SEM1: variants seen among roughly 807,000 people sequenced by gnomAD.
SEM1 encodes 26S proteasome complex subunit SEM1.
In SEM1, 3 loss-of-function variants were observed where a neutral mutation model predicts 12.7. The ratio of observed to expected loss-of-function variants is 0.24; its 90% CI spans 0.11 to 0.61. The LOEUF (loss-of-function observed/expected upper bound fraction) is 0.61. Ranked by LOEUF, SEM1 falls within the 20% of genes least tolerant of loss-of-function variation. SEM1 has a pLI of 0.88. For missense variants in SEM1, 59 were observed against 81.3 expected (o/e 0.73, Z 1.06); for synonymous variants, 30 against 27.8 (o/e 1.08, Z -0.25).
intron 2 of SEM1, among the ~76,000 whole-genome samples, chr7:96,584,414 T>A (rs928857779): frequency 3.9e-5 from 6 of 152,104 alleles, no homozygotes; most frequent in Non-Finnish European, 7.4e-5. Context: ...TTTCCTTCAT[T>A]TCAACTTTGG....
chr7:96,532,096 A>G (rs1346975376), intron 2 of SEM1, among the ~76,000 whole-genome samples: 1 of 152,018 alleles, frequency 6.6e-6, no homozygotes, highest in Non-Finnish European at 1.5e-5. Context: ...GCCCTTTGAT[A>G]TAGGGGCTGT....
intron 2 of SEM1, among the ~76,000 whole-genome samples, chr7:96,592,104 G>A (rs955389935): frequency 2.9e-4 from 44 of 151,982 alleles, no homozygotes; most frequent in Non-Finnish European, 5.7e-4. Context: ...GAGAACAACT[G>A]AGTCACATTA....
chr7:96,569,916 C>T (rs1405774898), intron 2 of SEM1, among the ~76,000 whole-genome samples: 1 of 151,836 alleles, frequency 6.6e-6, no homozygotes, highest in Non-Finnish European at 1.5e-5. Context: ...TGCCACATTT[C>T]CTTTATCTAA....
chr7:96,668,750 CA>C (rs11387112), downstream of SEM1, among the ~76,000 whole-genome samples: 2 of 151,666 alleles, frequency 1.3e-5, no homozygotes, highest in African/African-American at 4.8e-5. Flanking sequence ...TCCCCTCTAC[CA>C]AAAAAAGACA....
At chr7:96,644,735 G>T (rs927040725) in intron 2 of SEM1, among the ~76,000 whole-genome samples, 1 of 152,074 alleles carries the variant, frequency 6.6e-6, no homozygotes, top group African/African-American at 2.4e-5. Context: ...TGTTCATCCT[G>T]GACAGCTTTC....
intron 2 of SEM1, among the ~76,000 whole-genome samples, chr7:96,585,270 T>G (rs1806578280): frequency 6.6e-6 from 1 of 152,168 alleles, no homozygotes; most frequent in African/African-American, 2.4e-5. Flanking sequence ...TGCCTCCCAG[T>G]TAGGCTGCTC....
At chr7:96,596,861 AC>A (rs1473198020) in intron 2 of SEM1, among the ~76,000 whole-genome samples, 1 of 152,246 alleles carries the variant, frequency 6.6e-6, no homozygotes, top group Non-Finnish European at 1.5e-5. Flanking sequence ...CATCAAAATA[AC>A]AAATTGGTGG....
intron 2 of SEM1, among the ~76,000 whole-genome samples, chr7:96,636,926 A>C (rs893817841): frequency 6.6e-6 from 1 of 152,104 alleles, no homozygotes; most frequent in Non-Finnish European, 1.5e-5. Context: ...GAATTTCTGC[A>C]TCTGACTCAG....
intron 2 of SEM1, among the ~76,000 whole-genome samples, chr7:96,576,301 A>G (rs188741307): frequency 6.6e-6 from 1 of 152,202 alleles, no homozygotes; most frequent in African/African-American, 2.4e-5. Context: ...AGGTGAGTCC[A>G]TAAGATTTAT....
At chr7:96,531,004 G>T (rs1454607562) in intron 2 of SEM1, among the ~76,000 whole-genome samples, 1 of 152,004 alleles carries the variant, frequency 6.6e-6, no homozygotes, top group African/African-American at 2.4e-5. Context: ...CAAAACTGTT[G>T]CAATAATCTG....
At chr7:96,568,575 AC>A (rs142921083) in intron 2 of SEM1, among the ~76,000 whole-genome samples, 14,451 of 151,512 alleles carry the variant, frequency 0.095, 2,274 homozygotes, top group African/African-American at 0.33. Context: ...TTCTTATTTG[AC>A]AGTTTTTCTT....
chr7:96,640,264 T>C lies in SEM1; in HGVS notation c.171-17621A>G, dbSNP rs1486831502. On this transcript the variant is annotated intron_variant, in intron 2 of 2. Transcript: ENST00000417009. The surrounding 1 kb of genome is among the most constrained non-coding windows in gnomAD (Gnocchi z 4.0). ...TGAAAACTTATGTCCACACAAAAACTTGCACACACACGTTTATTGCAGGCT... is the reference window on the plus strand; with the variant it reads ...TGAAAACTTATGTCCACACAAAAACCTGCACACACACGTTTATTGCAGGCT... Among the ~76,000 whole-genome samples the C allele has an allele frequency of 1.3e-5, 2 of 151,940 alleles. No individual in the cohort carries two copies. The highest frequency in any genetic ancestry group is 2.9e-5 in the Non-Finnish European group (2 of 67,910).
At chr7:96,603,209 T>C (rs529768270) in intron 2 of SEM1, among the ~76,000 whole-genome samples, 91 of 152,332 alleles carry the variant, frequency 6.0e-4, no homozygotes, top group African/African-American at 2.1e-3. Context: ...ATTTCAAATA[T>C]ACCCTCCTGC....
At chr7:96,684,190 T>C (rs1215904703), downstream of SEM1, among the ~76,000 whole-genome samples, 1 of 152,140 alleles carries the variant, frequency 6.6e-6, no homozygotes, top group East Asian at 1.9e-4. Flanking sequence ...TGAGACTACA[T>C]GCTCCCTTAT....
At chr7:96,616,310 T>C (rs1807718913) in intron 2 of SEM1, among the ~76,000 whole-genome samples, 1 of 152,236 alleles carries the variant, frequency 6.6e-6, no homozygotes, top group Admixed American at 6.5e-5. Flanking sequence ...CTGAACATTT[T>C]TTCATGTTTC....
At chr7:96,674,261 C>A (rs1789397026) in intron 2 of SEM1, among the ~76,000 whole-genome samples, 1 of 152,110 alleles carries the variant, frequency 6.6e-6, no homozygotes, top group Non-Finnish European at 1.5e-5. Flanking sequence ...GCTTTACTTA[C>A]CAACAAAATA....
intron 2 of SEM1, among the ~76,000 whole-genome samples, chr7:96,591,087 A>G (rs1806814807): frequency 6.6e-6 from 1 of 152,182 alleles, no homozygotes; most frequent in Admixed American, 6.5e-5. Context: ...TTTAATTGTA[A>G]TGGCTTGTCA....
rs541450175 is a variant in SEM1 at position 96,634,029 on chromosome 7, C to T, written c.171-11386G>A. On this transcript the variant is annotated intron_variant, in intron 2 of 2. Coordinates refer to the SEM1 transcript ENST00000417009. ...TGTCTTTAAAAGATAGGTAGGTAAC[C>T]TAAATGCATGATCTCTCCTTGTGTG... 6.0e-4 allele frequency among the ~76,000 whole-genome samples: 91 copies of T among 152,146 alleles called. 2 individuals carry two copies. In the South Asian group the frequency reaches 0.018, roughly 30 times the overall value.
chr7:96,514,985 T>C (rs1804044423), intron 2 of SEM1, among the ~76,000 whole-genome samples: 1 of 151,934 alleles, frequency 6.6e-6, no homozygotes, highest in Non-Finnish European at 1.5e-5. Context: ...ATTACCAACC[T>C]CAAGACATAT....
Sources: allele counts gnomAD v4.1 joint callset (sites outside exome capture counted in the v4.1 genomes callset), GRCh38; gene constraint gnomAD v4.1.1; non-coding constraint Gnocchi (gnomAD v3.1); transcripts MANE v1.5; gene names NCBI Gene and HGNC (gene_info 2026-07-23, HGNC 2026-07-21).